SLC35F3: variants seen among roughly 807,000 people sequenced by gnomAD.
SLC35F3 encodes solute carrier family 35 member F3.
Under a neutral mutation model 49.9 loss-of-function variants are expected in SLC35F3, and 25 were observed. That is an observed-to-expected ratio of 0.50 (90% CI 0.37 to 0.70). SLC35F3 has a LOEUF of 0.70. Ranked by LOEUF, SLC35F3 falls within the 30% of genes least tolerant of loss-of-function variation. SLC35F3 has a pLI of 0.00. For synonymous variants in SLC35F3, 275 were observed against 265.4 expected (o/e 1.04, Z -0.35); for missense variants, 525 against 639.8 (o/e 0.82, Z 1.94).
intron 2 of SLC35F3, among the ~76,000 whole-genome samples, chr1:234,085,034 C>G (rs972890669): frequency 1.4e-4 from 22 of 152,160 alleles, no homozygotes; most frequent in African/African-American, 5.3e-4. Context: ...AAGCCATACA[C>G]AAAAGGCTGT....
At chr1:234,042,187 A>C (rs1469652039) in intron 2 of SLC35F3, among the ~76,000 whole-genome samples, 2 of 152,250 alleles carry the variant, frequency 1.3e-5, no homozygotes, top group African/African-American at 2.4e-5. Flanking sequence ...CATAATAAGC[A>C]GTATAATAAA....
chr1:234,191,798 A>G (rs1002946652), intron 2 of SLC35F3, among the ~76,000 whole-genome samples: 1 of 152,170 alleles, frequency 6.6e-6, no homozygotes, highest in Non-Finnish European at 1.5e-5. Context: ...GAAATACAAA[A>G]GATCATTCAA....
At chr1:234,170,842 C>T (rs1406950211) in intron 2 of SLC35F3, among the ~76,000 whole-genome samples, 1 of 152,190 alleles carries the variant, frequency 6.6e-6, no homozygotes, top group Non-Finnish European at 1.5e-5. Flanking sequence ...CCTCCCAAGT[C>T]ACTTTGATGT....
intron 2 of SLC35F3, among the ~76,000 whole-genome samples, chr1:233,926,599 A>C (rs1466979477): frequency 1.3e-5 from 2 of 152,184 alleles, no homozygotes; most frequent in African/African-American, 2.4e-5. Flanking sequence ...AGCTTGGAGA[A>C]GTTTGTTATT....
intron 2 of SLC35F3, among the ~76,000 whole-genome samples, chr1:234,096,993 G>A (rs1266037229): frequency 2.6e-5 from 4 of 151,030 alleles, no homozygotes; most frequent in Admixed American, 6.6e-5. Flanking sequence ...GGGTTCAAGC[G>A]ATTCTCCTGC....
In SLC35F3 at chr1:234,163,899, T is replaced by C. The variant is rs1017845015; in HGVS notation, c.284-67518T>C. Among the ~76,000 whole-genome samples, 3 of 152,150 alleles carry C rather than the reference T, an allele frequency of 2.0e-5. No individual in the cohort carries two copies. The East Asian group carries it at 5.8e-4, about 29-fold the overall frequency. ...CTTCTCTTTGCTCAGTGCCGAGGAG[T>C]GAAAGAACTTATTCAGTAACTGTCA... On this transcript the variant is annotated intron_variant, in intron 2 of 7. Coordinates refer to ENST00000366618, the MANE Select transcript of SLC35F3 (RefSeq NM_173508.4).
intron 2 of SLC35F3, among the ~76,000 whole-genome samples, chr1:233,983,751 A>G (rs564110142): frequency 6.6e-6 from 1 of 152,338 alleles, no homozygotes; most frequent in African/African-American, 2.4e-5. Context: ...GAAATCTCCC[A>G]CTGGTGTTCT....
At position 234,323,398 on chromosome 1, in the gene SLC35F3, C is replaced by A; in HGVS notation, c.*155C>A. On this transcript the variant is annotated 3_prime_UTR_variant, in exon 8 of 8. Coordinates refer to ENST00000366618, the MANE Select transcript of SLC35F3 (RefSeq NM_173508.4). The surrounding 1 kb of genome is among the most constrained non-coding windows in gnomAD (Gnocchi z 4.5). ...CATGTCCAATTTGCTTGCACTTTTC[C>A]ACATCAGACCTTCCACTTAAGGGTA... 1 of 627,554 alleles carries A rather than the reference C, an allele frequency of 1.6e-6. No individual in the cohort carries two copies. The highest frequency in any genetic ancestry group is 2.8e-6 in the Non-Finnish European group (1 of 357,298). The allele number at this position is 627,554 out of a possible 1,614,324, so 38.9% of individuals were successfully genotyped here.
At chr1:234,172,525 T>C (rs1009876475) in intron 2 of SLC35F3, among the ~76,000 whole-genome samples, 3 of 152,344 alleles carry the variant, frequency 2.0e-5, no homozygotes, top group South Asian at 2.1e-4. Context: ...CCTGGCCGAA[T>C]TGTTTAAGTA....
At chr1:234,248,535 A>G (rs965656777) in intron 3 of SLC35F3, among the ~76,000 whole-genome samples, 8 of 152,120 alleles carry the variant, frequency 5.3e-5, no homozygotes, top group Non-Finnish European at 8.8e-5. Flanking sequence ...TGGCTGGTGC[A>G]TTGTTTGGTG....
At chr1:234,193,197 T>C (rs951375853) in intron 2 of SLC35F3, among the ~76,000 whole-genome samples, 1 of 152,124 alleles carries the variant, frequency 6.6e-6, no homozygotes, top group Non-Finnish European at 1.5e-5. Context: ...CAAACTATAC[T>C]ATAAGGCCAT....
intron 2 of SLC35F3, among the ~76,000 whole-genome samples, chr1:233,968,096 A>C (rs887489651): frequency 4.6e-5 from 7 of 152,038 alleles, no homozygotes; most frequent in African/African-American, 1.7e-4. Flanking sequence ...TGTGAGGGAG[A>C]ATCTGTCGCA....
chr1:234,022,476 TC>T (rs1344682426), intron 2 of SLC35F3, among the ~76,000 whole-genome samples: 3 of 148,592 alleles, frequency 2.0e-5, no homozygotes, highest in Non-Finnish European at 3.0e-5. Flanking sequence ...CAGGTTTTTT[TC>T]CTCAAGGCCT....
intron 2 of SLC35F3, among the ~76,000 whole-genome samples, chr1:233,955,928 C>T (rs912824849): frequency 8.1e-6 from 1 of 123,852 alleles, no homozygotes; most frequent in Non-Finnish European, 1.6e-5. Context: ...CGCTCTCTTG[C>T]CCAGGCTGGA....
chr1:233,907,779 G>A (rs1461555811), intron 2 of SLC35F3, among the ~76,000 whole-genome samples: 3 of 152,036 alleles, frequency 2.0e-5, no homozygotes, highest in Non-Finnish European at 4.4e-5. Context: ...AGTGTAGAGT[G>A]CAGTGGCATG....
chr1:234,193,836 A>G (rs531342464), intron 2 of SLC35F3, among the ~76,000 whole-genome samples: 9 of 152,354 alleles, frequency 5.9e-5, no homozygotes, highest in Non-Finnish European at 7.4e-5. Context: ...CAACAAACAT[A>G]TGAAAAAATG....
At chr1:234,086,854 G>C (rs1469094723) in intron 2 of SLC35F3, among the ~76,000 whole-genome samples, 1 of 152,204 alleles carries the variant, frequency 6.6e-6, no homozygotes, top group African/African-American at 2.4e-5. Flanking sequence ...GATGCCCCTA[G>C]CTGTGTCCAC....
chr1:234,054,844 T>C (rs1399029462), intron 2 of SLC35F3, among the ~76,000 whole-genome samples: 1 of 152,190 alleles, frequency 6.6e-6, no homozygotes, highest in Non-Finnish European at 1.5e-5. Context: ...CCTTTCTGTT[T>C]GTTAGTTTTC....
intron 2 of SLC35F3, among the ~76,000 whole-genome samples, chr1:233,915,893 C>T (rs545753381): frequency 5.5e-4 from 84 of 152,318 alleles, no homozygotes; most frequent in African/African-American, 2.0e-3. Flanking sequence ...TCAATTATCT[C>T]CCGCCAGGTC....
Sources: gnomAD v4.1 joint callset for allele counts (sites outside exome capture counted in the v4.1 genomes callset) on GRCh38, gnomAD v4.1.1 for gene constraint, Gnocchi (gnomAD v3.1) non-coding constraint, MANE v1.5 for transcripts, NCBI Gene and HGNC (gene_info 2026-07-23, HGNC 2026-07-21) for gene names.